Variants in DISP3 observed in about 807,000 individuals in gnomAD.
DISP3 encodes the protein dispatched RND transporter family member 3.
A neutral mutation model predicts 135.3 loss-of-function variants in DISP3; 101 were observed. The ratio of observed to expected loss-of-function variants is 0.75; its 90% confidence interval spans 0.64 to 0.88. DISP3 has a LOEUF of 0.88. DISP3 is among the 40% of genes least tolerant of loss of function. DISP3 has a pLI of 0.00. For synonymous variants in DISP3, 856 were observed against 817.0 expected, an observed-to-expected ratio of 1.05 and a Z score of -0.81; for missense variants, 1,713 against 1,878.6, an observed-to-expected ratio of 0.91 and a Z score of 1.63.
Position 11,526,513 on chromosome 1 carries a change from C to G in DISP3, c.2614-138C>G, listed in dbSNP as rs56140312. 3.3e-3 allele frequency: 3,255 copies of G among 979,448 alleles called. 8 individuals carry two copies. Among genetic ancestry groups the G allele is most frequent in the Non-Finnish European group, 4.6e-3 (2,956 of 642,766 alleles). 60.7% of individuals were successfully genotyped at this position (979,448 alleles called of 1,614,324 possible). On this transcript the variant is annotated intron_variant, in intron 12 of 20. Coordinates refer to ENST00000294484, the MANE Select transcript of DISP3 (RefSeq NM_020780.2). ...AAACCCAGGCCTCCCAAGCCTCTGC[C>G]CAGGGCTCTGTCCCCAACTCCGAGG...
At chr1:11,481,620 G>T (rs2100344038) in intron 1 of DISP3, 1 of 152,330 alleles carries the variant, frequency 6.6e-6, no homozygotes, top group Admixed American at 6.5e-5. Context: ...CTCCCAGTTT[G>T]CCCTTGGGCA....
intron 5 of DISP3, 85 bp from the exon 6 acceptor site, chr1:11,515,916 C>G: frequency 6.7e-7 from 1 of 1,502,616 alleles, no homozygotes; most frequent in Non-Finnish European, 9.0e-7. Flanking sequence ...CAGGAGGCCA[C>G]TCACACTTGG....
At chr1:11,535,456 C>T (rs370814141) in intron 19 of DISP3, 22 bp from the exon 20 acceptor site, 74 of 1,588,652 alleles carry the variant, frequency 4.7e-5, no homozygotes, top group African/African-American at 6.7e-5. Flanking sequence ...TCCGAGCTGC[C>T]CCCCCTGCTG....
At chr1:11,487,709 G>A (rs1052266146) in intron 1 of DISP3, among the ~76,000 whole-genome samples, 8 of 152,174 alleles carry the variant, frequency 5.3e-5, no homozygotes, top group Non-Finnish European at 1.2e-4. Flanking sequence ...TAGAGAGACT[G>A]ACTCCCTGAG....
In DISP3 at chr1:11,519,419, G is replaced by T; in HGVS notation, c.1954G>T (p.Glu652Ter). The T allele has an allele frequency of 1.2e-6, 2 of 1,613,724 alleles. No individual in the cohort carries two copies. The highest frequency in any genetic ancestry group is 1.7e-6 in the Non-Finnish European group (2 of 1,179,994). The change falls in exon 8 of 21, where the codon GAG becomes TAG. Residue 652 changes from glutamate (E) to a stop codon, truncating the protein, a stop_gained. Transcript: ENST00000294484. LOFTEE classifies it high-confidence loss of function. This position sits in a 1 kb window ranked among gnomAD's most constrained non-coding sequence, Gnocchi z 4.3. ...HFPGDVFAAPEQVGGSPAQGP... is the reference protein window; with the variant it reads ...HFPGDVFAAP The stretch of plus-strand genomic sequence containing the variant: ...CCCCGGAGACGTGTTTGCCGCTCCC[G>T]AGCAGGTTGGAGGCAGCCCTGCCCA...
At position 11,519,554 on chromosome 1, in the gene DISP3, G is replaced by T; in HGVS notation, c.2038+51G>T. On this transcript the variant is annotated intron_variant, in intron 8 of 20. Coordinates refer to ENST00000294484, the MANE Select transcript of DISP3 (RefSeq NM_020780.2). This position sits in a 1 kb window ranked among gnomAD's most constrained non-coding sequence, Gnocchi z 4.3. Reference sequence around the variant, plus strand: ...ACTGACCCCAGTGAGACCCAGCGCTGCCTCTGCCAGGGGAGTAACACTTGA... The same window carrying T: ...ACTGACCCCAGTGAGACCCAGCGCTTCCTCTGCCAGGGGAGTAACACTTGA... 1 of 1,599,246 alleles carries T rather than the reference G, an allele frequency of 6.3e-7. No individual in the cohort carries two copies. Among genetic ancestry groups the T allele is most frequent in the Non-Finnish European group, 8.5e-7 (1 of 1,171,194 alleles).
intron 3 of DISP3, among the ~76,000 whole-genome samples, chr1:11,507,053 C>G (rs1641723652): frequency 6.6e-6 from 1 of 152,152 alleles, no homozygotes; most frequent in African/African-American, 2.4e-5. Context: ...AGTGGTCCTC[C>G]CACCTTGGCC....
chr1:11,509,917 GGTGAAACCCAT>G (rs1225783405), intron 3 of DISP3, among the ~76,000 whole-genome samples: 2 of 152,076 alleles, frequency 1.3e-5, no homozygotes, highest in East Asian at 3.9e-4. Context: ...TGGCTAACAT[GGTGAAACCCAT>G]GTTACTAAAA....
intron 1 of DISP3, among the ~76,000 whole-genome samples, chr1:11,484,732 T>A (rs1460889587): frequency 6.6e-6 from 1 of 152,148 alleles, no homozygotes; most frequent in Non-Finnish European, 1.5e-5. Flanking sequence ...TGTTTCTGTA[T>A]ACAGTGAGCT....
chr1:11,507,535 C>T (rs1641742266), intron 3 of DISP3, among the ~76,000 whole-genome samples: 1 of 152,206 alleles, frequency 6.6e-6, no homozygotes, highest in African/African-American at 2.4e-5. Context: ...AAGTGTCTGC[C>T]CAAAGCTCTG....
In DISP3 at chr1:11,499,728, G is replaced by A. The variant is rs1172072529; in HGVS notation, c.-3-1262G>A. Among the ~76,000 whole-genome samples the A allele has an allele frequency of 7.0e-6, 1 of 143,546 alleles. No homozygotes were observed. The highest frequency in any genetic ancestry group is 2.9e-5 in the African/African-American group (1 of 34,900). The allele number at this position is 143,546 out of a possible 152,430, so 94.2% of individuals were successfully genotyped here. A position where few individuals can be genotyped will look rare whatever the true frequency, so the allele number is the denominator to read the frequency against. ...TCCCCCACCATTCCACTCTCCCTTC[G>A]GTCTCTCTCCTCTTTTCCTCTGTCT... On this transcript the variant is annotated intron_variant, in intron 1 of 20. Transcript: ENST00000294484. This position sits in a 1 kb window ranked among gnomAD's most constrained non-coding sequence, Gnocchi z 5.2.
chr1:11,491,314 C>G lies in DISP3; in HGVS notation c.-3-9676C>G, dbSNP rs138871655. Among the ~76,000 whole-genome samples, 155 of 152,338 alleles carry G rather than the reference C, an allele frequency of 1.0e-3. No individual in the cohort carries two copies. The highest frequency in any genetic ancestry group is 3.6e-3 in the African/African-American group (148 of 41,576). On this transcript the variant is annotated intron_variant, in intron 1 of 20. Coordinates refer to ENST00000294484, the MANE Select transcript of DISP3 (RefSeq NM_020780.2). This position sits in a 1 kb window ranked among gnomAD's most constrained non-coding sequence, Gnocchi z 4.3. ...ATCACCTGGGGAGGTGGTTTAAATA[C>G]AGATTCCAGGTTGGGCATGGTGGCT...
At chr1:11,518,562 C>T (rs1190477377) in intron 7 of DISP3, among the ~76,000 whole-genome samples, 1 of 152,140 alleles carries the variant, frequency 6.6e-6, no homozygotes, top group East Asian at 1.9e-4. Flanking sequence ...GCAAAATAAG[C>T]CCCACGTCTG....
At chr1:11,518,061 C>A (rs923292477) in intron 7 of DISP3, among the ~76,000 whole-genome samples, 1 of 152,122 alleles carries the variant, frequency 6.6e-6, no homozygotes. Flanking sequence ...CAGAGTTGAA[C>A]GGGTCAGTTC....
At chr1:11,480,591 A>AT (rs1640872530) in intron 1 of DISP3, among the ~76,000 whole-genome samples, 3 of 151,198 alleles carry the variant, frequency 2.0e-5, no homozygotes, top group Middle Eastern at 3.4e-3. Flanking sequence ...AGAGCCCACC[A>AT]CCTGGTGTTC....
rs372266249 is a variant in DISP3, at chr1:11,536,522, G to A, written c.4015G>A (p.Ala1339Thr). Reference protein sequence around the residue: ...SILYTLTVSTALLGIMAPSSF... With the variant: ...SILYTLTVSTTLLGIMAPSSF... Reference sequence around the variant, plus strand: ...CCTCTACACGCTGACCGTCAGCACCGCCCTGCTGGGCATCATGGCGCCCAG... The same window carrying A: ...CCTCTACACGCTGACCGTCAGCACCACCCTGCTGGGCATCATGGCGCCCAG... The change falls in exon 21 of 21, where the codon GCC becomes ACC. Residue 1339 changes from alanine (A) to threonine (T), a missense_variant. By Grantham distance (58) the Ala-to-Thr change is moderately conservative (BLOSUM62 0). Transcript: ENST00000294484. The surrounding 1 kb of genome is among the most constrained non-coding windows in gnomAD (Gnocchi z 4.3). The A allele has an allele frequency of 2.3e-5, 37 of 1,613,006 alleles. No homozygotes were observed. The highest frequency in any genetic ancestry group is 2.9e-5 in the Non-Finnish European group (34 of 1,179,974).
intron 1 of DISP3, among the ~76,000 whole-genome samples, chr1:11,492,121 CAAAA>C (rs59755389): frequency 1.3e-4 from 8 of 62,182 alleles, no homozygotes; most frequent in Middle Eastern, 8.8e-3. Flanking sequence ...GACTCCGTCT[CAAAA>C]AAAAAAAAAA....
At chr1:11,532,100 C>T (rs1048991528) in intron 17 of DISP3, among the ~76,000 whole-genome samples, 17 of 152,190 alleles carry the variant, frequency 1.1e-4, no homozygotes, top group Admixed American at 3.3e-4. Flanking sequence ...CTTAGGGTGG[C>T]CAGGAGTCCG....
intron 1 of DISP3, among the ~76,000 whole-genome samples, chr1:11,482,724 C>G (rs187336327): frequency 6.6e-6 from 1 of 152,140 alleles, no homozygotes; most frequent in Non-Finnish European, 1.5e-5. Flanking sequence ...TCCCCACACC[C>G]AAATGTGGAG....
Sources: allele counts gnomAD v4.1 joint callset (sites outside exome capture counted in the v4.1 genomes callset), GRCh38; gene constraint gnomAD v4.1.1; non-coding constraint Gnocchi (gnomAD v3.1); transcripts MANE v1.5; gene names NCBI Gene and HGNC (gene_info 2026-07-23, HGNC 2026-07-21).